The following TGFBI variants were observed in gnomAD, a reference collection of about 807,000 sequenced individuals.
The protein encoded by TGFBI is transforming growth factor-beta-induced protein ig-h3.
In TGFBI, 50 loss-of-function variants were observed where a neutral mutation model predicts 73.7. That is an observed-to-expected ratio of 0.68 (90% CI 0.54 to 0.86). TGFBI has a LOEUF of 0.86. Ranked by LOEUF, TGFBI falls within the 40% of genes least tolerant of loss-of-function variation. The pLI is 0.00. For synonymous variants in TGFBI, 362 were observed against 360.5 expected (o/e 1.00, Z -0.05); for missense variants, 839 against 877.0 (o/e 0.96, Z 0.55).
intron 7 of TGFBI, 164 bp downstream of exon 7, chr5:136,049,744 G>A (rs554917281): frequency 1.8e-5 from 14 of 759,642 alleles, no homozygotes; most frequent in East Asian, 1.1e-4. Flanking sequence ...TCAGCTAACC[G>A]TGTCTCTAGC....
At chr5:136,048,093 G>A (rs1751466342) in intron 6 of TGFBI, 1 of 152,332 alleles carries the variant, frequency 6.6e-6, no homozygotes, top group Non-Finnish European at 1.5e-5. Context: ...AAGGATACAA[G>A]TGGGAGTGAG....
intron 6 of TGFBI, 118 bp downstream of exon 6, chr5:136,047,538 C>CTCT: frequency 7.9e-7 from 1 of 1,261,068 alleles, no homozygotes; most frequent in Non-Finnish European, 1.1e-6. Flanking sequence ...GAACATAGAG[C>CTCT]AGGTTCCCCT....
At chr5:136,040,457 G>A (rs1751309407) in intron 2 of TGFBI, among the ~76,000 whole-genome samples, 1 of 152,302 alleles carries the variant, frequency 6.6e-6, no homozygotes, top group East Asian at 1.9e-4. Flanking sequence ...TGTGAACTGT[G>A]CGTGTAAGGG....
chr5:136,043,502 A>G (rs989650332), intron 2 of TGFBI, among the ~76,000 whole-genome samples: 1 of 152,212 alleles, frequency 6.6e-6, no homozygotes, highest in Non-Finnish European at 1.5e-5. Flanking sequence ...TTGTAGATAT[A>G]TTCCCCTCTT....
At position 136,050,652 on chromosome 5, in the gene TGFBI, A is replaced by G. The variant is rs560905842; in HGVS notation, c.913+1072A>G. Among the ~76,000 whole-genome samples, 157 of 152,304 alleles carry G rather than the reference A, an allele frequency of 1.0e-3. 1 individual carries two copies. Among genetic ancestry groups the G allele is most frequent in the African/African-American group, 3.8e-3 (157 of 41,564 alleles). On this transcript the variant is annotated intron_variant, in intron 7 of 16. Transcript: ENST00000442011. Reference sequence around the variant, plus strand: ...CCCCACCACACTTTTCCTCTCAAACATATTCCAGGATCACTTGATTTCTTT... The same window carrying G: ...CCCCACCACACTTTTCCTCTCAAACGTATTCCAGGATCACTTGATTTCTTT...
chr5:136,053,689 G>T (rs1751577096), intron 8 of TGFBI, among the ~76,000 whole-genome samples: 1 of 152,226 alleles, frequency 6.6e-6, no homozygotes, highest in South Asian at 2.1e-4. Flanking sequence ...TGACCAAGCA[G>T]CCCACAGGGC....
At chr5:136,053,824 G>A in intron 8 of TGFBI, 119 bp from the exon 9 acceptor site, 1 of 1,444,804 alleles carries the variant, frequency 6.9e-7, no homozygotes, top group Non-Finnish European at 9.5e-7. Context: ...GCAGTGTTTA[G>A]AGGGGTTGTT....
rs548453933 is a variant in TGFBI, at chr5:136,050,847, G to A, written c.913+1267G>A. ...AAGACGGGATTTGTTCCGTGTCCAG[G>A]TGATTATGGTACCTCTATGCGCCTG... On this transcript the variant is annotated intron_variant, in intron 7 of 16. Transcript: ENST00000442011. 2.6e-5 allele frequency among the ~76,000 whole-genome samples: 4 copies of A among 152,352 alleles called. No individual in the cohort carries two copies. The South Asian group carries it at 8.3e-4, about 32-fold the overall frequency.
chr5:136,030,273 A>G (rs1341026472), intron 1 of TGFBI, among the ~76,000 whole-genome samples: 1 of 152,158 alleles, frequency 6.6e-6, no homozygotes, highest in African/African-American at 2.4e-5. Flanking sequence ...GCTCAAATCA[A>G]AACTCATTGT....
intron 2 of TGFBI, among the ~76,000 whole-genome samples, chr5:136,036,798 G>A (rs1262278042): frequency 1.3e-5 from 2 of 152,174 alleles, no homozygotes; most frequent in Non-Finnish European, 2.9e-5. Flanking sequence ...TCCATAGGCA[G>A]TTGGAATTTT....
intron 13 of TGFBI, 124 bp from the exon 14 acceptor site, chr5:136,060,710 C>G: frequency 7.2e-6 from 5 of 696,652 alleles, no homozygotes; most frequent in Non-Finnish European, 1.1e-5. Flanking sequence ...AACTCCATCT[C>G]AAAAACAAAG....
At chr5:136,063,140 TG>T in intron 16 of TGFBI, 45 bp from the exon 17 acceptor site, 1 of 1,575,974 alleles carries the variant, frequency 6.3e-7, no homozygotes, top group Non-Finnish European at 8.7e-7. Flanking sequence ...TAGACAGACA[TG>T]GGGAGATCTG....
At chr5:136,047,138 C>T in intron 5 of TGFBI, 123 bp downstream of exon 5, 1 of 1,519,604 alleles carries the variant, frequency 6.6e-7, no homozygotes, top group Non-Finnish European at 8.9e-7. Flanking sequence ...GCCTGCTTCT[C>T]CTTGGGCCCT....
intron 12 of TGFBI, 58 bp from the exon 13 acceptor site, chr5:136,059,032 G>A: frequency 6.3e-7 from 1 of 1,576,580 alleles, no homozygotes; most frequent in Non-Finnish European, 8.6e-7. Flanking sequence ...GGCCCTCCTT[G>A]ACCAGGCTAA....
chr5:136,061,725 C>T (rs920852628), intron 15 of TGFBI, 146 bp downstream of exon 15: 82 of 712,738 alleles, frequency 1.2e-4, no homozygotes, highest in Non-Finnish European at 1.9e-4. Context: ...GAGGCATCCT[C>T]AGCCCCAGCC....
intron 6 of TGFBI, chr5:136,048,115 C>G (rs1365666382): frequency 6.6e-6 from 1 of 152,260 alleles, no homozygotes; most frequent in African/African-American, 2.4e-5. Context: ...CGGACCCTCC[C>G]TAGAGATCTC....
chr5:136,056,692 A>C lies in TGFBI; in HGVS notation c.1575A>C (p.Ala525=). Residue 525 remains alanine (A), a synonymous_variant, in exon 12 of 17, where the codon GCA becomes GCC. Transcript: ENST00000442011. ...FSMLVAAIQS[A]GLTETLNREG... ...TGCTGGTAGCTGCCATCCAGTCTGCAGGACTGACGGAGACCCTCAACCGGG... is the reference window on the plus strand; with the variant it reads ...TGCTGGTAGCTGCCATCCAGTCTGCCGGACTGACGGAGACCCTCAACCGGG... 6.2e-7 allele frequency: 1 copy of C among 1,613,986 alleles called. No homozygotes were observed. Among genetic ancestry groups the C allele is most frequent in the South Asian group, 1.1e-5 (1 of 91,082 alleles).
chr5:136,053,995 C>T lies in TGFBI; in HGVS notation c.1179C>T (p.Asp393=), dbSNP rs776095223. The change falls in exon 9 of 17, where the codon GAC becomes GAT. Residue 393 remains aspartate, a synonymous_variant. Coordinates refer to ENST00000442011, the MANE Select transcript of TGFBI (RefSeq NM_000358.3). ...AAESDVSTAI[D]LFRQAGLGNH... ...AGTCTGATGTGTCCACAGCCATTGACCTTTTCAGACAAGCCGGCCTCGGCA... is the reference window on the plus strand; with the variant it reads ...AGTCTGATGTGTCCACAGCCATTGATCTTTTCAGACAAGCCGGCCTCGGCA... The T allele has an allele frequency of 6.2e-7, 1 of 1,614,052 alleles. No homozygotes were observed. Among genetic ancestry groups the T allele is most frequent in the South Asian group, 1.1e-5 (1 of 91,088 alleles).
chr5:136,060,842 T>A lies in TGFBI; in HGVS notation c.1812T>A (p.Asn604Lys). The change falls in exon 14 of 17, where the codon AAT (asparagine) becomes AAA (lysine). Residue 604 changes from asparagine (N) to lysine (K), a missense_variant. Physicochemically the swap from Asn to Lys is moderately conservative, Grantham distance 94 (BLOSUM62 0). Coordinates refer to ENST00000442011, the MANE Select transcript of TGFBI (RefSeq NM_000358.3). ...GDKLEVSLKN[N>K]VVSVNKEPVA... Reference sequence around the variant, plus strand: ...CTCTGTTTTTCTTTTAGAAAAACAATGTGGTGAGTGTCAACAAGGAGCCTG... The same window carrying A: ...CTCTGTTTTTCTTTTAGAAAAACAAAGTGGTGAGTGTCAACAAGGAGCCTG... 6.3e-7 allele frequency: 1 copy of A among 1,598,260 alleles called. No individual in the cohort carries two copies. The highest frequency in any genetic ancestry group is 8.6e-7 in the Non-Finnish European group (1 of 1,168,864).
Sources: gnomAD v4.1 joint callset for allele counts (sites outside exome capture counted in the v4.1 genomes callset) on GRCh38, gnomAD v4.1.1 for gene constraint, MANE v1.5 for transcripts, NCBI Gene and HGNC (gene_info 2026-07-23, HGNC 2026-07-21) for gene names.